Variants in LRIG3 observed in about 807,000 individuals in gnomAD.
LRIG3 encodes the protein leucine-rich repeats and immunoglobulin-like domains protein 3.
In LRIG3, 76 loss-of-function variants were observed where a neutral mutation model predicts 114.5. The ratio of observed to expected loss-of-function variants is 0.66; its 90% CI spans 0.55 to 0.80. The LOEUF (loss-of-function observed/expected upper bound fraction) is 0.80, where lower values mean the gene tolerates loss of function less well. LRIG3 is among the 30% of genes least tolerant of loss of function. The probability of loss-of-function intolerance (pLI) is 0.00; values close to 1 mark genes in which losing one functional copy is unlikely to be tolerated. For missense variants in LRIG3, 1,239 were observed against 1,382.8 expected, an observed-to-expected ratio of 0.90 and a Z score of 1.65; for synonymous variants, 512 against 519.8, an observed-to-expected ratio of 0.98 and a Z score of 0.20.
intron 3 of LRIG3, among the ~76,000 whole-genome samples, chr12:58,910,117 GA>G (rs1872221093): frequency 6.6e-6 from 1 of 152,168 alleles, no homozygotes; most frequent in Non-Finnish European, 1.5e-5. Flanking sequence ...TAAAGACAAT[GA>G]TGGACTAAGA....
chr12:58,898,123 A>G (rs1334281026), intron 3 of LRIG3, among the ~76,000 whole-genome samples: 1 of 152,260 alleles, frequency 6.6e-6, no homozygotes, highest in Non-Finnish European at 1.5e-5. Context: ...TACTGCTGCC[A>G]GCCAGAAAGC....
At chr12:58,889,255 T>C (rs187141668) in intron 5 of LRIG3, among the ~76,000 whole-genome samples, 1 of 152,336 alleles carries the variant, frequency 6.6e-6, no homozygotes, top group African/African-American at 2.4e-5. Context: ...GATTTGTTTT[T>C]AAACAATCCA....
intron 3 of LRIG3, among the ~76,000 whole-genome samples, chr12:58,894,065 C>A (rs749657296): frequency 1.3e-5 from 2 of 152,212 alleles, no homozygotes; most frequent in African/African-American, 4.8e-5. Context: ...TTTATATATC[C>A]GTTTGTTTAT....
intron 11 of LRIG3, 146 bp from the exon 12 acceptor site, chr12:58,883,178 A>T: frequency 1.3e-6 from 1 of 754,410 alleles, no homozygotes; most frequent in East Asian, 2.8e-5. Flanking sequence ...AGTCCATTTT[A>T]AAATACAAGA....
chr12:58,889,364 T>C (rs1871376443), intron 5 of LRIG3, among the ~76,000 whole-genome samples: 1 of 152,188 alleles, frequency 6.6e-6, no homozygotes, highest in South Asian at 2.1e-4. Flanking sequence ...GGTTACTATC[T>C]TTCACCCTTC....
intron 7 of LRIG3, 94 bp from the exon 8 acceptor site, chr12:58,888,026 A>T (rs1191980612): frequency 9.1e-7 from 1 of 1,096,926 alleles, no homozygotes; most frequent in African/African-American, 1.6e-5. Flanking sequence ...GAGCTACACT[A>T]ATCCTTATTT....
intron 3 of LRIG3, among the ~76,000 whole-genome samples, chr12:58,902,319 T>C (rs918774774): frequency 6.6e-6 from 1 of 152,214 alleles, no homozygotes; most frequent in Non-Finnish European, 1.5e-5. Context: ...TAATTTCTTA[T>C]TTTAAAAATG....
Position 58,882,998 on chromosome 12 carries a change from G to C in LRIG3, c.1351C>G (p.Gln451Glu). 6.2e-7 allele frequency: 1 copy of C among 1,613,938 alleles called. No homozygotes were observed. Among genetic ancestry groups the C allele is most frequent in the Non-Finnish European group, 8.5e-7 (1 of 1,179,924 alleles). ...LNTSSLLCDC[Q>E]LKWLPQWVAE... ...ACCCACTGTGGGAGCCATTTTAGCT[G>C]GCAATCGCACAAAAGGCTTGATGTA... Residue 451 changes from glutamine (Q) to glutamate (E), a missense_variant, in exon 12 of 19, where the codon CAG (glutamine) becomes GAG (glutamate). Coordinates refer to ENST00000320743, the MANE Select transcript of LRIG3 (RefSeq NM_153377.5).
intron 3 of LRIG3, chr12:58,913,688 G>A (rs1023187458): frequency 3.2e-5 from 9 of 279,480 alleles, no homozygotes; most frequent in African/African-American, 2.0e-4. Context: ...CTAGTCTACA[G>A]AATACGATAA....
At chr12:58,872,903 C>A (rs964580017) in intron 18 of LRIG3, 87 bp from the exon 19 acceptor site, 38 of 1,514,256 alleles carry the variant, frequency 2.5e-5, no homozygotes, top group Non-Finnish European at 3.4e-5. Flanking sequence ...GAACATCTTA[C>A]CCCATGAATA....
intron 3 of LRIG3, among the ~76,000 whole-genome samples, chr12:58,905,955 A>C (rs1469112172): frequency 6.6e-6 from 1 of 152,208 alleles, no homozygotes; most frequent in Non-Finnish European, 1.5e-5. Flanking sequence ...ATTCTGTTAT[A>C]AGCACAGAAA....
intron 14 of LRIG3, among the ~76,000 whole-genome samples, chr12:58,878,409 C>A (rs1871002659): frequency 6.6e-6 from 1 of 152,054 alleles, no homozygotes; most frequent in Non-Finnish European, 1.5e-5. Flanking sequence ...AAAAAAAACT[C>A]TGACTTCCGG....
Position 58,874,059 on chromosome 12 carries a change from G to T in LRIG3, c.3111C>A (p.Phe1037Leu). Residue 1037 changes from phenylalanine (F) to leucine (L), a missense_variant, in exon 18 of 19, where the codon TTC (phenylalanine) becomes TTA (leucine). Phe to Leu is a conservative substitution (Grantham distance 22). Coordinates refer to ENST00000320743, the MANE Select transcript of LRIG3 (RefSeq NM_153377.5). ...CTGATAACTTAATAAACTTACCCAT[G>T]AAAGAATTACTCGAGGCAACCGACG... ...EPASVASSNS[F>L]MGTFGKALRR... 6.2e-7 allele frequency: 1 copy of T among 1,614,116 alleles called. No homozygotes were observed. Among genetic ancestry groups the T allele is most frequent in the East Asian group, 2.2e-5 (1 of 44,872 alleles).
intron 12 of LRIG3, among the ~76,000 whole-genome samples, chr12:58,882,394 T>G (rs971325202): frequency 5.3e-5 from 8 of 152,212 alleles, no homozygotes; most frequent in African/African-American, 1.9e-4. Context: ...TAAAATTATT[T>G]ATAATAAATT....
At chr12:58,872,863 G>A (rs528059861) in intron 18 of LRIG3, 47 bp from the exon 19 acceptor site, 5 of 1,577,516 alleles carry the variant, frequency 3.2e-6, no homozygotes, top group South Asian at 2.3e-5. Flanking sequence ...TTGCTAGCAT[G>A]TGAATCAATA....
chr12:58,879,181 G>A, intron 13 of LRIG3, 76 bp from the exon 14 acceptor site: 2 of 1,423,524 alleles, frequency 1.4e-6, no homozygotes, highest in Non-Finnish European at 1.9e-6. Context: ...TTTATTATTT[G>A]TTTGTTTGTT....
At chr12:58,899,587 C>A (rs961807269) in intron 3 of LRIG3, among the ~76,000 whole-genome samples, 1 of 151,318 alleles carries the variant, frequency 6.6e-6, no homozygotes, top group African/African-American at 2.4e-5. Flanking sequence ...GACATAGTAC[C>A]CTTTCTTTTC....
At chr12:58,893,512 C>T (rs917866654) in intron 3 of LRIG3, among the ~76,000 whole-genome samples, 2 of 152,170 alleles carry the variant, frequency 1.3e-5, no homozygotes, top group African/African-American at 2.4e-5. Flanking sequence ...CAGCCATGAC[C>T]TCTGATTTTG....
At chr12:58,888,676 G>T in intron 6 of LRIG3, 143 bp downstream of exon 6, 1 of 1,311,056 alleles carries the variant, frequency 7.6e-7, no homozygotes. Context: ...CACATTACCT[G>T]AATCAAAACT....
Sources: allele counts gnomAD v4.1 joint callset (sites outside exome capture counted in the v4.1 genomes callset), GRCh38; gene constraint gnomAD v4.1.1; transcripts MANE v1.5; gene names NCBI Gene and HGNC (gene_info 2026-07-23, HGNC 2026-07-21).